The following ONECUT2 variants were observed in gnomAD, a reference collection of about 807,000 sequenced individuals.
ONECUT2 encodes the protein one cut homeobox 2, also known as one cut domain family member 2.
ONECUT2 carries 10 observed loss-of-function variants against 27.9 expected under a neutral mutation model. That is an observed-to-expected ratio of 0.36 (90% confidence interval 0.22 to 0.61). The LOEUF (loss-of-function observed/expected upper bound fraction) is 0.61, where lower values mean the gene tolerates loss of function less well. ONECUT2 is among the 20% of genes least tolerant of loss of function. The pLI is 0.73. For synonymous variants in ONECUT2, 334 were observed against 315.1 expected, an observed-to-expected ratio of 1.06 and a Z score of -0.64; for missense variants, 686 against 721.0, an observed-to-expected ratio of 0.95 and a Z score of 0.56.
intron 1 of ONECUT2, among the ~76,000 whole-genome samples, chr18:57,453,978 G>A (rs774400617): frequency 7.9e-5 from 12 of 152,066 alleles, no homozygotes; most frequent in East Asian, 1.9e-4. Flanking sequence ...ATTCTATGGC[G>A]AGGGAATCTA....
chr18:57,435,634 G>A lies in ONECUT2; in HGVS notation c.-83G>A, dbSNP rs2050133946. The A allele has an allele frequency of 8.5e-6, 7 of 821,360 alleles. No homozygotes were observed. The highest frequency in any genetic ancestry group is 2.0e-5 in the African/African-American group (1 of 49,748). The allele number at this position is 821,360 out of a possible 1,614,324, so 50.9% of individuals were successfully genotyped here. A position where few individuals can be genotyped will look rare whatever the true frequency, so the allele number is the denominator to read the frequency against. ...CACTCCCGCGCCCGCCCCCACTCCC[G>A]CAGCCGAGCCCCGCCACGCGCGCCT... is the stretch of plus-strand genomic sequence containing the variant. On this transcript the variant is annotated 5_prime_UTR_variant, in exon 1 of 2. Transcript: ENST00000491143.
In ONECUT2 at chr18:57,436,086, T is replaced by C. The variant is rs752913706; in HGVS notation, c.370T>C (p.Ser124Pro). Residue 124 changes from serine to proline, a missense_variant, in exon 1 of 2, where the codon TCC (serine) becomes CCC (proline). Ser to Pro is a moderately conservative substitution (Grantham distance 74). Coordinates refer to ENST00000491143, the MANE Select transcript of ONECUT2 (RefSeq NM_004852.3). This position sits in a 1 kb window ranked among gnomAD's most constrained non-coding sequence, Gnocchi z 5.9. ...CGGCGGCGACTACCGGCCCGAGCTC[T>C]CCATCCCGCTGCACCACGCCATGAG... The part of the protein sequence containing the change: ...LDGGDYRPEL[S>P]IPLHHAMSMS... 11 of 1,598,984 alleles carry C rather than the reference T, an allele frequency of 6.9e-6. No homozygotes were observed. Among genetic ancestry groups the C allele is most frequent in the Non-Finnish European group, 8.5e-6 (10 of 1,179,402 alleles).
At chr18:57,443,706 G>A (rs2050187532) in intron 1 of ONECUT2, among the ~76,000 whole-genome samples, 1 of 152,190 alleles carries the variant, frequency 6.6e-6, no homozygotes, top group Non-Finnish European at 1.5e-5. Context: ...CTGACATGGT[G>A]CAGATGGGCA....
At chr18:57,437,911 G>A (rs952830115) in intron 1 of ONECUT2, among the ~76,000 whole-genome samples, 2 of 152,222 alleles carry the variant, frequency 1.3e-5, no homozygotes, top group Non-Finnish European at 2.9e-5. Flanking sequence ...GCATTAAGCG[G>A]GCGCTGATTG....
Position 57,435,608 on chromosome 18 carries a change from TCACTCCCGCGCCCGCCCC to T in ONECUT2, c.-99_-82del. On this transcript the variant is annotated 5_prime_UTR_variant, in exon 1 of 2. Transcript: ENST00000491143. ...CACCCGCACGCGCACTCCTCTCCAC[TCACTCCCGCGCCCGCCCC>T]CACTCCCGCAGCCGAGCCCCGCCAC... The T allele has an allele frequency of 1.1e-6, 1 of 920,790 alleles. No homozygotes were observed. Among genetic ancestry groups the T allele is most frequent in the Non-Finnish European group, 1.3e-6 (1 of 785,156 alleles). The allele number at this position is 920,790 out of a possible 1,614,324, so 57.0% of individuals were successfully genotyped here.
chr18:57,445,941 T>A (rs1394166455), intron 1 of ONECUT2, among the ~76,000 whole-genome samples: 1 of 152,268 alleles, frequency 6.6e-6, no homozygotes, highest in African/African-American at 2.4e-5. Context: ...GGAGCCTGGA[T>A]GAAGGCTTAG....
Position 57,488,465 on chromosome 18 carries a change from C to T in ONECUT2, c.*11742C>T, listed in dbSNP as rs1191273355. On this transcript the variant is annotated 3_prime_UTR_variant, in exon 2 of 2. Coordinates refer to ENST00000491143, the MANE Select transcript of ONECUT2 (RefSeq NM_004852.3). ...TATTTGAGACATGAGTGTACCCAGC[C>T]CTTTTTTTAATCACAGGCAATGCAT... 2 of 152,574 alleles carry T rather than the reference C, an allele frequency of 1.3e-5. No individual in the cohort carries two copies. Among genetic ancestry groups the T allele is most frequent in the East Asian group, 1.9e-4 (1 of 5,188 alleles). The allele number at this position is 152,574 out of a possible 1,614,324, so 9.5% of individuals were successfully genotyped here.
At chr18:57,474,161 A>C (rs2050369078) in intron 1 of ONECUT2, among the ~76,000 whole-genome samples, 1 of 152,246 alleles carries the variant, frequency 6.6e-6, no homozygotes, top group Non-Finnish European at 1.5e-5. Flanking sequence ...AAGCTGATAC[A>C]GCCTAGCAGC....
chr18:57,443,355 C>T (rs544425184), intron 1 of ONECUT2, among the ~76,000 whole-genome samples: 1 of 152,122 alleles, frequency 6.6e-6, no homozygotes. Flanking sequence ...GACTTCTGAC[C>T]CTTTTAGGGA....
At chr18:57,457,580 C>T (rs2050266752) in intron 1 of ONECUT2, among the ~76,000 whole-genome samples, 1 of 152,178 alleles carries the variant, frequency 6.6e-6, no homozygotes, top group Non-Finnish European at 1.5e-5. Flanking sequence ...ATCCAAAGGT[C>T]AGTTGTGTTT....
At position 57,435,469 on chromosome 18, in the gene ONECUT2, G is replaced by A. The variant is rs1362074612; in HGVS notation, c.-248G>A. Among the ~76,000 whole-genome samples the A allele has an allele frequency of 6.6e-6, 1 of 150,664 alleles. No homozygotes were observed. Among genetic ancestry groups the A allele is most frequent in the Non-Finnish European group, 1.5e-5 (1 of 67,424 alleles). On this transcript the variant is annotated 5_prime_UTR_variant, in exon 1 of 2. Coordinates refer to ENST00000491143, the MANE Select transcript of ONECUT2 (RefSeq NM_004852.3). Reference sequence around the variant, plus strand: ...GAGGCTGCGAGCCGGCCCGAGCGGCGGGGCCCGGTGATCCCTCCCTCCCTC... The same window carrying A: ...GAGGCTGCGAGCCGGCCCGAGCGGCAGGGCCCGGTGATCCCTCCCTCCCTC...
At chr18:57,441,918 C>T (rs1208947926) in intron 1 of ONECUT2, among the ~76,000 whole-genome samples, 1 of 152,228 alleles carries the variant, frequency 6.6e-6, no homozygotes, top group Non-Finnish European at 1.5e-5. Flanking sequence ...TGTGTCCTAC[C>T]TTGGCTGGGA....
At chr18:57,476,339 C>T (rs768521076) in intron 1 of ONECUT2, 98 bp from the exon 2 acceptor site, 66 of 1,267,768 alleles carry the variant, frequency 5.2e-5, no homozygotes, top group Middle Eastern at 3.9e-4. Context: ...TAAAGTTTAA[C>T]GGTTTACATC....
Position 57,489,894 on chromosome 18 carries a change from G to A in ONECUT2, c.*13171G>A, listed in dbSNP as rs1359884178. ...ATAACCACTAAAGTTTAGATGCAGG[G>A]ACTGAGATGATACAGGCAAAATCTT... On this transcript the variant is annotated 3_prime_UTR_variant, in exon 2 of 2. Transcript: ENST00000491143. 2.6e-5 allele frequency: 4 copies of A among 152,118 alleles called. No individual in the cohort carries two copies. In the East Asian group the frequency reaches 5.8e-4, roughly 22 times the overall value. 9.4% of individuals were successfully genotyped at this position (152,118 alleles called of 1,614,324 possible). A position where few individuals can be genotyped will look rare whatever the true frequency, so the allele number is the denominator to read the frequency against.
chr18:57,436,985 G>C lies in ONECUT2; in HGVS notation c.1228+41G>C, dbSNP rs1311478125. ...GCCAGGGGCCAGGCTGCTGGGAAGAGGGCTCCGGGTCCGGTGCTTGTGGCC... is the reference window on the plus strand; with the variant it reads ...GCCAGGGGCCAGGCTGCTGGGAAGACGGCTCCGGGTCCGGTGCTTGTGGCC... On this transcript the variant is annotated intron_variant, in intron 1 of 1. Coordinates refer to ENST00000491143, the MANE Select transcript of ONECUT2 (RefSeq NM_004852.3). This position sits in a 1 kb window ranked among gnomAD's most constrained non-coding sequence, Gnocchi z 5.9. 7.2e-6 allele frequency: 11 copies of C among 1,529,020 alleles called. No individual in the cohort carries two copies. Among genetic ancestry groups the C allele is most frequent in the Admixed American group, 2.0e-5 (1 of 50,000 alleles). The allele number at this position is 1,529,020 out of a possible 1,614,324, so 94.7% of individuals were successfully genotyped here.
chr18:57,453,218 A>G (rs2122121656), intron 1 of ONECUT2, among the ~76,000 whole-genome samples: 1 of 152,320 alleles, frequency 6.6e-6, no homozygotes, highest in East Asian at 1.9e-4. Flanking sequence ...TATGGATCTC[A>G]GTTGCTGTCA....
Position 57,435,795 on chromosome 18 carries a change from GA to G in ONECUT2, c.82del (p.Ser28ValfsTer104). ...CGCCATGAACCCGGAGCTGACAATG[GA>G]AAGTCTGGGCACTTTGCACGGGCCG... ...GCAMNPELTM[E>X]SLGTLHGPAG... is the part of the protein sequence containing the mutation. On this transcript the variant is annotated frameshift_variant, in exon 1 of 2. Transcript: ENST00000491143. LOFTEE classifies it high-confidence loss of function. 8.0e-7 allele frequency: 1 copy of G among 1,255,384 alleles called. No homozygotes were observed. Among genetic ancestry groups the G allele is most frequent in the Non-Finnish European group, 1.0e-6 (1 of 965,322 alleles). The allele number at this position is 1,255,384 out of a possible 1,614,324, so 77.8% of individuals were successfully genotyped here.
intron 1 of ONECUT2, among the ~76,000 whole-genome samples, chr18:57,439,571 T>C (rs779878888): frequency 1.7e-4 from 26 of 152,218 alleles, no homozygotes; most frequent in Non-Finnish European, 3.5e-4. Flanking sequence ...ATGCAGAAGC[T>C]GGGACTGGTA....
intron 1 of ONECUT2, among the ~76,000 whole-genome samples, chr18:57,459,518 A>G (rs577346570): frequency 1.3e-5 from 2 of 152,324 alleles, no homozygotes; most frequent in East Asian, 3.9e-4. Flanking sequence ...GAAACTTAAT[A>G]AGGCTTCTTT....
Sources: allele counts gnomAD v4.1 joint callset (sites outside exome capture counted in the v4.1 genomes callset), GRCh38; gene constraint gnomAD v4.1.1; non-coding constraint Gnocchi (gnomAD v3.1); transcripts MANE v1.5; gene names NCBI Gene and HGNC (gene_info 2026-07-23, HGNC 2026-07-21).